Variants in PCDHGB5 observed in about 807,000 individuals in gnomAD.
PCDHGB5 encodes protocadherin gamma subfamily B, 5.
A neutral mutation model predicts 62.9 loss-of-function variants in PCDHGB5; 48 were observed. That is an observed-to-expected ratio of 0.76 (90% confidence interval 0.61 to 0.97). The LOEUF (loss-of-function observed/expected upper bound fraction) is 0.97, where lower values mean the gene tolerates loss of function less well. Among genes scored for constraint, PCDHGB5 ranks in the 50% least tolerant of loss-of-function variants. PCDHGB5 has a pLI of 0.00. For synonymous variants in PCDHGB5, 474 were observed against 511.2 expected (o/e 0.93, Z 0.98); for missense variants, 1,118 against 1,198.6 (o/e 0.93, Z 0.99).
chr5:141,420,269 A>C, intron 1 of PCDHGB5: 1 of 1,544,558 alleles, frequency 6.5e-7, no homozygotes, highest in Non-Finnish European at 8.8e-7. Flanking sequence ...GAAGATTCTT[A>C]AACAGGTAAG....
chr5:141,476,562 C>A lies in PCDHGB5; in HGVS notation c.2398-18245C>A. On this transcript the variant is annotated intron_variant, in intron 1 of 3. Transcript: ENST00000617380. This position sits in a 1 kb window ranked among gnomAD's most constrained non-coding sequence, Gnocchi z 7.6. ...AAATTGGAGATTAGCGAGGCCGTGG[C>A]TCCGGGGACGCGCTTTCCGCTCGAG... 1 of 1,614,218 alleles carries A rather than the reference C, an allele frequency of 6.2e-7. No homozygotes were observed. The highest frequency in any genetic ancestry group is 8.5e-7 in the Non-Finnish European group (1 of 1,180,034).
intron 1 of PCDHGB5, chr5:141,423,638 A>G (rs771989468): frequency 2.5e-6 from 4 of 1,598,292 alleles, no homozygotes; most frequent in Non-Finnish European, 3.4e-6. Context: ...ATTTTAGGCA[A>G]ATGTGACCCG....
chr5:141,408,575 G>A (rs1300122367), intron 1 of PCDHGB5: 4 of 1,613,918 alleles, frequency 2.5e-6, no homozygotes, highest in East Asian at 2.2e-5. Context: ...GGTGATTGAG[G>A]ATGTTAATGA....
intron 1 of PCDHGB5, chr5:141,403,145 C>T (rs749236674): frequency 2.5e-6 from 4 of 1,613,920 alleles, no homozygotes; most frequent in African/African-American, 1.3e-5. Flanking sequence ...GCGCCGAGTC[C>T]GCATCGTCTC....
At chr5:141,469,259 A>G (rs1263722797) in intron 1 of PCDHGB5, among the ~76,000 whole-genome samples, 1 of 151,822 alleles carries the variant, frequency 6.6e-6, no homozygotes, top group Admixed American at 6.6e-5. Flanking sequence ...CTTGGGCAAC[A>G]GAGCAAGACC....
In PCDHGB5 at chr5:141,408,857, G is replaced by T. The variant is rs372861749; in HGVS notation, c.2397+8333G>T. 1.9e-5 allele frequency: 30 copies of T among 1,613,424 alleles called. No homozygotes were observed. Among genetic ancestry groups the T allele is most frequent in the Non-Finnish European group, 2.5e-5 (29 of 1,179,810 alleles). ...GATATTGACTGCCTTGGACGGAGGG[G>T]ACCCACCAAGAAGTGCCACCGCTCA... On this transcript the variant is annotated intron_variant, in intron 1 of 3. Coordinates refer to ENST00000617380, the MANE Select transcript of PCDHGB5 (RefSeq NM_018925.3).
At chr5:141,466,213 C>G (rs2099118871) in intron 1 of PCDHGB5, among the ~76,000 whole-genome samples, 1 of 151,958 alleles carries the variant, frequency 6.6e-6, no homozygotes, top group South Asian at 2.1e-4. Flanking sequence ...CTCTGTTACC[C>G]AGGCTGGAGT....
intron 1 of PCDHGB5, among the ~76,000 whole-genome samples, chr5:141,406,925 GTAT>G (rs2094866637): frequency 6.6e-6 from 1 of 152,150 alleles, no homozygotes; most frequent in South Asian, 2.1e-4. Flanking sequence ...AGAGAATAAT[GTAT>G]TATTTAATGT....
chr5:141,505,597 T>C, intron 3 of PCDHGB5, 116 bp downstream of exon 3: 1 of 1,558,330 alleles, frequency 6.4e-7, no homozygotes, highest in Non-Finnish European at 8.7e-7. Context: ...TCCAGATCTT[T>C]CGGCAGGTCT....
In PCDHGB5 at chr5:141,431,213, TTCCC is replaced by T. The variant is rs1373533151; in HGVS notation, c.2397+30692_2397+30695del. 1 of 1,614,142 alleles carries T rather than the reference TTCCC, an allele frequency of 6.2e-7. No homozygotes were observed. Among genetic ancestry groups the T allele is most frequent in the Admixed American group, 1.7e-5 (1 of 60,020 alleles). On this transcript the variant is annotated intron_variant, in intron 1 of 3. Transcript: ENST00000617380. This position sits in a 1 kb window ranked among gnomAD's most constrained non-coding sequence, Gnocchi z 4.8. ...TGAAAATGCAGCCACTGAGATGCGGTTCCCTCTACCCCACGCCTGGGATCCGGAT... is the reference window on the plus strand; with the variant it reads ...TGAAAATGCAGCCACTGAGATGCGGTTCTACCCCACGCCTGGGATCCGGAT...
intron 1 of PCDHGB5, among the ~76,000 whole-genome samples, chr5:141,406,668 G>A (rs1415631899): frequency 3.3e-5 from 5 of 152,122 alleles, no homozygotes; most frequent in African/African-American, 7.2e-5. Flanking sequence ...TTAAATTATG[G>A]AGAATAGTAG....
chr5:141,419,662 T>C (rs767190243), intron 1 of PCDHGB5: 140 of 1,612,700 alleles, frequency 8.7e-5, no homozygotes, highest in South Asian at 2.2e-5. Flanking sequence ...CGGGGCACAA[T>C]GCCTGGCTGT....
Position 141,425,635 on chromosome 5 carries a change from T to C in PCDHGB5, c.2397+25111T>C, listed in dbSNP as rs376675545. On this transcript the variant is annotated intron_variant, in intron 1 of 3. Coordinates refer to ENST00000617380, the MANE Select transcript of PCDHGB5 (RefSeq NM_018925.3). ...TCAGTGCTCCTCCAGTTTTCTCTGA[T>C]AAAACTAGGAGGAAAATTATCTGCA... Among the ~76,000 whole-genome samples, 51 of 152,354 alleles carry C rather than the reference T, an allele frequency of 3.3e-4. 1 individual carries two copies. The South Asian group carries it at 0.01, about 30-fold the overall frequency.
intron 2 of PCDHGB5, among the ~76,000 whole-genome samples, chr5:141,497,540 C>A (rs866982821): frequency 7.4e-6 from 1 of 134,944 alleles, no homozygotes; most frequent in African/African-American, 2.8e-5. Context: ...TGCAACAAAC[C>A]TTTTTTTTTT....
In PCDHGB5 at chr5:141,511,236, C is replaced by T; in HGVS notation, c.*63C>T. 4 of 1,591,606 alleles carry T rather than the reference C, an allele frequency of 2.5e-6. No individual in the cohort carries two copies. Among genetic ancestry groups the T allele is most frequent in the Admixed American group, 3.6e-5 (2 of 56,022 alleles). ...CCCAACCAGCCCAGCTTCTCCTTAC[C>T]TGCACCCAGGCCTCAGAGTTTCAGG... On this transcript the variant is annotated 3_prime_UTR_variant, in exon 4 of 4. Transcript: ENST00000617380.
Position 141,399,420 on chromosome 5 carries a change from C to T in PCDHGB5, c.1293C>T (p.Ser431=), listed in dbSNP as rs1257006819. The T allele has an allele frequency of 1.9e-6, 3 of 1,614,034 alleles. No individual in the cohort carries two copies. Among genetic ancestry groups the T allele is most frequent in the Non-Finnish European group, 2.5e-6 (3 of 1,179,890 alleles). Residue 431 remains serine (S), a synonymous_variant, in exon 1 of 4, where the codon AGC becomes AGT. Coordinates refer to ENST00000617380, the MANE Select transcript of PCDHGB5 (RefSeq NM_018925.3). ...GGGGCAAGCCGCCCCTCTCCTCCAG[C>T]ATAAGCGTCATCCTACATATCAGAG... ...TDRGKPPLSS[S]ISVILHIRDV...
At chr5:141,472,256 T>C (rs2099275290) in intron 1 of PCDHGB5, among the ~76,000 whole-genome samples, 1 of 152,176 alleles carries the variant, frequency 6.6e-6, no homozygotes, top group South Asian at 2.1e-4. Flanking sequence ...TAAAGTTATA[T>C]TATAGCCGGG....
At chr5:141,446,942 G>C (rs1252429052) in intron 1 of PCDHGB5, among the ~76,000 whole-genome samples, 1 of 152,058 alleles carries the variant, frequency 6.6e-6, no homozygotes, top group Non-Finnish European at 1.5e-5. Flanking sequence ...TTCACTGTAA[G>C]AAACATCCAG....
At position 141,398,360 on chromosome 5, in the gene PCDHGB5, G is replaced by A; in HGVS notation, c.233G>A (p.Ser78Asn). 7.1e-7 allele frequency: 1 copy of A among 1,413,656 alleles called. No homozygotes were observed. The highest frequency in any genetic ancestry group is 9.8e-7 in the Non-Finnish European group (1 of 1,018,718). The allele number at this position is 1,413,656 out of a possible 1,614,324, so 87.6% of individuals were successfully genotyped here. ...TCGGAGAAGCCTTACTTCACCGTGA[G>A]CGCAGAGAGCGGGGAGTTGCTTGTG... ...VSSEKPYFTVSAESGELLVSS... is the reference protein window; with the variant it reads ...VSSEKPYFTVNAESGELLVSS... The change falls in exon 1 of 4, where the codon AGC becomes AAC. Residue 78 changes from serine (S) to asparagine (N), a missense_variant. Transcript: ENST00000617380.
Sources: allele counts gnomAD v4.1 joint callset (sites outside exome capture counted in the v4.1 genomes callset), GRCh38; gene constraint gnomAD v4.1.1; non-coding constraint Gnocchi (gnomAD v3.1); transcripts MANE v1.5; gene names NCBI Gene and HGNC (gene_info 2026-07-23, HGNC 2026-07-21).